The following SAMSN1 variants were observed in gnomAD, a reference collection of about 807,000 sequenced individuals.
SAMSN1 encodes SAM domain-containing protein SAMSN-1.
In SAMSN1, 31 loss-of-function variants were observed where a neutral mutation model predicts 42.0. The ratio of observed to expected loss-of-function variants is 0.74; its 90% CI spans 0.55 to 1.00. The LOEUF (loss-of-function observed/expected upper bound fraction) is 1.00. Among genes scored for constraint, SAMSN1 ranks in the 50% least tolerant of loss-of-function variants. SAMSN1 has a pLI of 0.00. For synonymous variants in SAMSN1, 178 were observed against 151.9 expected, an observed-to-expected ratio of 1.17 and a Z score of -1.26; for missense variants, 464 against 439.4, an observed-to-expected ratio of 1.06 and a Z score of -0.50.
intron 1 of SAMSN1, among the ~76,000 whole-genome samples, chr21:14,648,516 C>G (rs1302544896): frequency 6.6e-6 from 1 of 152,160 alleles, no homozygotes; most frequent in African/African-American, 2.4e-5. Flanking sequence ...TCACAACCTA[C>G]TCATCTGACA....
At chr21:14,511,507 T>G (rs1987687656) in intron 4 of SAMSN1, among the ~76,000 whole-genome samples, 1 of 152,200 alleles carries the variant, frequency 6.6e-6, no homozygotes, top group Non-Finnish European at 1.5e-5. Flanking sequence ...TTAGCTTTTG[T>G]CACAAAATAA....
intron 2 of SAMSN1, among the ~76,000 whole-genome samples, chr21:14,633,052 C>A (rs1983373057): frequency 1.3e-5 from 2 of 152,088 alleles, no homozygotes; most frequent in Non-Finnish European, 2.9e-5. Flanking sequence ...AAGTAACATG[C>A]AAGGATGAAG....
At chr21:14,541,898 C>A (rs960113160) in intron 1 of SAMSN1, among the ~76,000 whole-genome samples, 2 of 150,680 alleles carry the variant, frequency 1.3e-5, no homozygotes, top group Admixed American at 6.6e-5. Context: ...GAGGCTGAGG[C>A]AGGAGAGTCA....
chr21:14,607,582 C>A (rs1233034306), intron 5 of SAMSN1, among the ~76,000 whole-genome samples: 1 of 152,176 alleles, frequency 6.6e-6, no homozygotes, highest in Non-Finnish European at 1.5e-5. Flanking sequence ...TCACTCAAGA[C>A]CCTGAGAAAT....
chr21:14,526,175 T>A (rs945500617), intron 1 of SAMSN1, among the ~76,000 whole-genome samples: 9 of 152,192 alleles, frequency 5.9e-5, no homozygotes, highest in African/African-American at 2.2e-4. Context: ...GCCAGTTTCA[T>A]AACTTTAATA....
chr21:14,516,767 T>C, intron 3 of SAMSN1, 125 bp downstream of exon 3: 1 of 738,944 alleles, frequency 1.4e-6, no homozygotes, highest in Non-Finnish European at 2.1e-6. Flanking sequence ...GTTCTGGGCA[T>C]AATGACTGAG....
intron 2 of SAMSN1, among the ~76,000 whole-genome samples, chr21:14,581,026 T>C (rs1981695345): frequency 6.6e-6 from 1 of 152,172 alleles, no homozygotes; most frequent in African/African-American, 2.4e-5. Context: ...TTTCCATTTT[T>C]TAGTTAAGAA....
At chr21:14,486,706 C>T (rs1986451309) in intron 7 of SAMSN1, among the ~76,000 whole-genome samples, 1 of 152,042 alleles carries the variant, frequency 6.6e-6, no homozygotes, top group Non-Finnish European at 1.5e-5. Flanking sequence ...GCATAAGAAA[C>T]CAGGTTGCTT....
intron 5 of SAMSN1, among the ~76,000 whole-genome samples, chr21:14,505,214 A>G: frequency 6.6e-6 from 1 of 152,222 alleles, no homozygotes; most frequent in Non-Finnish European, 1.5e-5. Flanking sequence ...GTATACAGGC[A>G]ACAAATAGCA....
At chr21:14,556,202 G>C (rs1181827947) in intron 2 of SAMSN1, among the ~76,000 whole-genome samples, 1 of 152,040 alleles carries the variant, frequency 6.6e-6, no homozygotes, top group Non-Finnish European at 1.5e-5. Flanking sequence ...TATTTTTCAG[G>C]CCTGATCATT....
At chr21:14,544,564 T>C (rs1224425425) in intron 1 of SAMSN1, among the ~76,000 whole-genome samples, 1 of 152,218 alleles carries the variant, frequency 6.6e-6, no homozygotes, top group Non-Finnish European at 1.5e-5. Context: ...ACCATCTGTC[T>C]AATGAAAATA....
upstream of SAMSN1, among the ~76,000 whole-genome samples, chr21:14,659,251 G>C (rs145228012): frequency 6.3e-4 from 96 of 152,012 alleles, 2 homozygotes; most frequent in South Asian, 6.0e-3. Context: ...AAGATATAGA[G>C]ATAAACACAT....
intron 7 of SAMSN1, among the ~76,000 whole-genome samples, chr21:14,492,928 G>A (rs919675670): frequency 1.3e-5 from 2 of 152,200 alleles, no homozygotes; most frequent in Non-Finnish European, 2.9e-5. Context: ...GAATCTAGAT[G>A]CAAATCATAT....
intron 2 of SAMSN1, among the ~76,000 whole-genome samples, chr21:14,566,434 G>C (rs1275293841): frequency 6.6e-6 from 1 of 151,994 alleles, no homozygotes; most frequent in African/African-American, 2.4e-5. Flanking sequence ...CATCATATAA[G>C]ACTACCACCA....
At chr21:14,580,581 G>A (rs1414517927) in intron 2 of SAMSN1, among the ~76,000 whole-genome samples, 1 of 152,210 alleles carries the variant, frequency 6.6e-6, no homozygotes, top group African/African-American at 2.4e-5. Context: ...GAAGATTAAA[G>A]AAGAAGGAGG....
chr21:14,590,475 G>T (rs962183616), intron 7 of SAMSN1, among the ~76,000 whole-genome samples: 1 of 151,964 alleles, frequency 6.6e-6, no homozygotes, highest in Admixed American at 6.6e-5. Context: ...TAGAGATGAA[G>T]TCTCACTATG....
At chr21:14,550,963 A>G (rs879123042), upstream of SAMSN1, among the ~76,000 whole-genome samples, 3 of 152,088 alleles carry the variant, frequency 2.0e-5, no homozygotes, top group South Asian at 6.2e-4. Context: ...ATAAATGATG[A>G]TTTGGCTCCT....
chr21:14,523,216 A>G (rs1272292048), intron 1 of SAMSN1: 15 of 152,194 alleles, frequency 9.9e-5, no homozygotes, highest in Admixed American at 9.2e-4. Context: ...CCTACCAGCT[A>G]TCTTTAAAGA....
Position 14,510,461 on chromosome 21 carries a change from C to T in SAMSN1, c.410G>A (p.Ser137Asn), listed in dbSNP as rs1482562342. Residue 137 changes from serine to asparagine, a missense_variant and splice_region_variant, in exon 5 of 8, where the codon AGT (serine) becomes AAT (asparagine). Ser to Asn is a conservative substitution (Grantham distance 46, BLOSUM62 1). Transcript: ENST00000400566. ...DSLYSGQSSS[S>N]GITSCSDGTS... ...ACCATCTGAACAGCTTGTTATGCCA[C>T]CTGATGAAAGCAGAAGTTCACAGTT... 6.2e-7 allele frequency: 1 copy of T among 1,614,076 alleles called. No individual in the cohort carries two copies. The highest frequency in any genetic ancestry group is 2.2e-5 in the East Asian group (1 of 44,882).
Sources: gnomAD v4.1 joint callset for allele counts (sites outside exome capture counted in the v4.1 genomes callset) on GRCh38, gnomAD v4.1.1 for gene constraint, MANE v1.5 for transcripts, NCBI Gene and HGNC (gene_info 2026-07-23, HGNC 2026-07-21) for gene names.